ARHGEF17: variants seen among roughly 807,000 people sequenced by gnomAD.
ARHGEF17 encodes the protein 164 kDa Rho-specific guanine-nucleotide exchange factor.
Under a neutral mutation model 174.0 loss-of-function variants are expected in ARHGEF17, and 80 were observed. The ratio of observed to expected loss-of-function variants is 0.46; its 90% CI spans 0.38 to 0.55. ARHGEF17 has a LOEUF of 0.55. ARHGEF17 is among the 20% of genes least tolerant of loss of function. ARHGEF17 has a pLI of 0.00. For missense variants in ARHGEF17, 2,886 were observed against 2,839.7 expected (o/e 1.02, Z -0.37); for synonymous variants, 1,311 against 1,189.1 (o/e 1.10, Z -2.11).
In ARHGEF17 at chr11:73,352,953, C is replaced by T. The variant is rs1285187269; in HGVS notation, c.3394C>T (p.Arg1132Trp). Residue 1132 changes from arginine to tryptophan, a missense_variant, in exon 3 of 21, where the codon CGG becomes TGG. Arg to Trp is a moderately radical substitution (Grantham distance 101, BLOSUM62 -3). This residue lies in a region of ARHGEF17 where 353 missense variants were observed against 470.3 expected (regional missense o/e 0.75). Transcript: ENST00000263674. The part of the protein sequence containing the change: ...EHHEQFLEQV[R>W]HCMQTWHAQQ... ...CCACGAGCAATTCCTGGAGCAGGTT[C>T]GGCACTGCATGCAGACCTGGCATGC... 6.2e-6 allele frequency: 10 copies of T among 1,613,998 alleles called. No individual in the cohort carries two copies. The African/African-American group carries it at 6.7e-5, about 11-fold the overall frequency.
In ARHGEF17 at chr11:73,311,763, C is replaced by A. The variant is rs780645539; in HGVS notation, c.3125C>A (p.Pro1042His). The change falls in exon 1 of 21, where the codon CCC (proline) becomes CAC (histidine). Residue 1042 changes from proline (P) to histidine (H), a missense_variant. By Grantham distance (77) the Pro-to-His change is moderately conservative. Transcript: ENST00000263674. ...GCACCGCCCTCTGCTGAGGCCAAGC[C>A]CCCTGAGGCAGCTCGGCCTGCAGAT... ...LAAPPSAEAK[P>H]PEAARPADEP... The A allele has an allele frequency of 6.2e-7, 1 of 1,612,632 alleles. No homozygotes were observed. Among genetic ancestry groups the A allele is most frequent in the Non-Finnish European group, 8.5e-7 (1 of 1,179,654 alleles).
At chr11:73,339,476 G>C (rs1865336242) in intron 1 of ARHGEF17, among the ~76,000 whole-genome samples, 1 of 152,040 alleles carries the variant, frequency 6.6e-6, no homozygotes, top group African/African-American at 2.4e-5. Flanking sequence ...CTGTCCATTT[G>C]TTTGTTCATC....
intron 16 of ARHGEF17, 26 bp downstream of exon 16, chr11:73,363,859 A>AT (rs1440959214): frequency 2.5e-6 from 4 of 1,608,178 alleles, no homozygotes; most frequent in Non-Finnish European, 3.4e-6. Flanking sequence ...GGCCCTTCCT[A>AT]TCTAGACTCT....
intron 1 of ARHGEF17, among the ~76,000 whole-genome samples, chr11:73,324,389 C>G (rs554609900): frequency 1.3e-5 from 2 of 152,138 alleles, no homozygotes; most frequent in Admixed American, 6.5e-5. Context: ...TGAGCCCTGC[C>G]CTGGGGGAGC....
rs1021094916 is a variant in ARHGEF17, at chr11:73,310,158, C to T, written c.1520C>T (p.Ser507Leu). Reference protein sequence around the residue: ...RGSNPLDGRDSPSAGGPVGQL... With the variant: ...RGSNPLDGRDLPSAGGPVGQL... ...AGCAACCCCCTAGATGGCAGAGACT[C>T]ACCATCCGCAGGTGGCCCTGTGGGG... Residue 507 changes from serine (S) to leucine (L), a missense_variant, in exon 1 of 21, where the codon TCA becomes TTA. Physicochemically the swap from Ser to Leu is moderately radical, Grantham distance 145. This residue lies in a region of ARHGEF17 where 1,728 missense variants were observed against 1,461.2 expected (regional missense o/e 1.18). Coordinates refer to ENST00000263674, the MANE Select transcript of ARHGEF17 (RefSeq NM_014786.4). 1.2e-6 allele frequency: 2 copies of T among 1,614,008 alleles called. No homozygotes were observed. Among genetic ancestry groups the T allele is most frequent in the Admixed American group, 3.3e-5 (2 of 60,032 alleles).
At chr11:73,350,238 C>T (rs1366526215) in intron 2 of ARHGEF17, among the ~76,000 whole-genome samples, 2 of 152,210 alleles carry the variant, frequency 1.3e-5, no homozygotes, top group Non-Finnish European at 2.9e-5. Flanking sequence ...CAGGGTCATC[C>T]ATCTAGTGAG....
At chr11:73,321,379 A>G (rs1346158081) in intron 1 of ARHGEF17, among the ~76,000 whole-genome samples, 2 of 152,196 alleles carry the variant, frequency 1.3e-5, no homozygotes, top group Non-Finnish European at 2.9e-5. Context: ...GCTGCCCCTC[A>G]CTGGAAGCGG....
intron 1 of ARHGEF17, among the ~76,000 whole-genome samples, chr11:73,312,037 C>T (rs1373721675): frequency 3.9e-5 from 6 of 152,326 alleles, no homozygotes; most frequent in South Asian, 4.1e-4. Context: ...CTTCAGTTTT[C>T]TGCTGGTGCT....
Position 73,309,855 on chromosome 11 carries a change from C to T in ARHGEF17, c.1217C>T (p.Ser406Phe). ...ACCCTCAAGGACGACGACCTATGGT[C>T]TAGTAGGGGTTCTGGGGGCTGGGGC... ...TETLKDDDLWSSRGSGGWGVY... is the reference protein window; with the variant it reads ...TETLKDDDLWFSRGSGGWGVY... The change falls in exon 1 of 21, where the codon TCT becomes TTT. Residue 406 changes from serine (S) to phenylalanine (F), a missense_variant. By Grantham distance (155) the Ser-to-Phe change is radical (BLOSUM62 -2). Coordinates refer to ENST00000263674, the MANE Select transcript of ARHGEF17 (RefSeq NM_014786.4). The T allele has an allele frequency of 6.2e-7, 1 of 1,613,196 alleles. No individual in the cohort carries two copies. Among genetic ancestry groups the T allele is most frequent in the Non-Finnish European group, 8.5e-7 (1 of 1,180,008 alleles).
chr11:73,336,767 G>A (rs1314995079), intron 1 of ARHGEF17, among the ~76,000 whole-genome samples: 2 of 152,220 alleles, frequency 1.3e-5, no homozygotes, highest in Admixed American at 6.5e-5. Context: ...ACTTCTCACT[G>A]AGAGTCATGC....
At position 73,365,175 on chromosome 11, in the gene ARHGEF17, A is replaced by T. The variant is rs1865813588; in HGVS notation, c.5551-215A>T. 3.4e-6 allele frequency: 2 copies of T among 592,384 alleles called. No homozygotes were observed. The highest frequency in any genetic ancestry group is 3.0e-6 in the Non-Finnish European group (1 of 335,632). The allele number at this position is 592,384 out of a possible 1,614,324, so 36.7% of individuals were successfully genotyped here. A position where few individuals can be genotyped will look rare whatever the true frequency, so the allele number is the denominator to read the frequency against. On this transcript the variant is annotated intron_variant, in intron 18 of 20. Coordinates refer to ENST00000263674, the MANE Select transcript of ARHGEF17 (RefSeq NM_014786.4). The surrounding 1 kb of genome is among the most constrained non-coding windows in gnomAD (Gnocchi z 4.9). ...AAGCATTGAAGTTCTCTGATCCTTAAATCACTCAAGTTTAATGGGGAAAAA... is the reference window on the plus strand; with the variant it reads ...AAGCATTGAAGTTCTCTGATCCTTATATCACTCAAGTTTAATGGGGAAAAA...
chr11:73,354,222 C>T (rs1426097656), intron 3 of ARHGEF17, among the ~76,000 whole-genome samples: 1 of 152,216 alleles, frequency 6.6e-6, no homozygotes, highest in East Asian at 1.9e-4. Flanking sequence ...CCCATCATCA[C>T]TCTCAGTGTC....
intron 1 of ARHGEF17, among the ~76,000 whole-genome samples, chr11:73,328,298 A>C (rs1349996643): frequency 6.6e-6 from 1 of 152,210 alleles, no homozygotes; most frequent in Non-Finnish European, 1.5e-5. Flanking sequence ...GGGACTCTGC[A>C]GGCTGGGGGC....
chr11:73,331,958 A>G (rs1865211025), intron 1 of ARHGEF17, among the ~76,000 whole-genome samples: 1 of 152,172 alleles, frequency 6.6e-6, no homozygotes, highest in Non-Finnish European at 1.5e-5. Context: ...TCAAGCAGAC[A>G]TGCCCATAGT....
chr11:73,309,383 A>G lies in ARHGEF17; in HGVS notation c.745A>G (p.Ser249Gly). Reference sequence around the variant, plus strand: ...TCCTGTCAGCCGCAGTCGTGCTGCCAGCTCCAGCGAGGAGGAAGAGGAGGG... The same window carrying G: ...TCCTGTCAGCCGCAGTCGTGCTGCCGGCTCCAGCGAGGAGGAAGAGGAGGG... The part of the protein sequence containing the change: ...SYPVSRSRAA[S>G]SSEEEEEGPP... Residue 249 changes from serine (S) to glycine (G), a missense_variant, in exon 1 of 21, where the codon AGC becomes GGC. Ser to Gly is a moderately conservative substitution (Grantham distance 56). Transcript: ENST00000263674. 2.5e-6 allele frequency: 4 copies of G among 1,576,816 alleles called. No individual in the cohort carries two copies. Among genetic ancestry groups the G allele is most frequent in the Non-Finnish European group, 1.7e-6 (2 of 1,160,420 alleles).
rs903203449 is a variant in ARHGEF17 at position 73,311,270 on chromosome 11, G to A, written c.2632G>A (p.Ala878Thr). The change falls in exon 1 of 21, where the codon GCC (alanine) becomes ACC (threonine). Residue 878 changes from alanine (A) to threonine (T), a missense_variant. By Grantham distance (58) the Ala-to-Thr change is moderately conservative. This residue lies in a region of ARHGEF17 where 1,728 missense variants were observed against 1,461.2 expected (regional missense o/e 1.18). Coordinates refer to ENST00000263674, the MANE Select transcript of ARHGEF17 (RefSeq NM_014786.4). The part of the protein sequence containing the change: ...EQRAEPEEPG[A>T]TRSRAQSERA... ...GCGGGCAGAGCCAGAAGAACCTGGTGCCACCAGGAGCCGGGCACAGTCTGA... is the reference window on the plus strand; with the variant it reads ...GCGGGCAGAGCCAGAAGAACCTGGTACCACCAGGAGCCGGGCACAGTCTGA... 6 of 1,612,842 alleles carry A rather than the reference G, an allele frequency of 3.7e-6. No homozygotes were observed. The highest frequency in any genetic ancestry group is 5.1e-6 in the Non-Finnish European group (6 of 1,179,756).
Position 73,356,784 on chromosome 11 carries a change from C to T in ARHGEF17, c.3891+25C>T, listed in dbSNP as rs183886487. The T allele has an allele frequency of 2.3e-4, 379 of 1,614,036 alleles. 3 individuals are homozygous for T. In the East Asian group the frequency reaches 6.3e-3, roughly 27 times the overall value. ...GGTAAGAAGTGTCCCAGTATCTGTC[C>T]GGCTGTCCCCACCTCCTCACTTTGT... On this transcript the variant is annotated intron_variant, in intron 7 of 20. Transcript: ENST00000263674.
rs573793599 is a variant in ARHGEF17 at position 73,365,210 on chromosome 11, T to C, written c.5551-180T>C. 9.4e-6 allele frequency: 6 copies of C among 640,006 alleles called. No individual in the cohort carries two copies. Among genetic ancestry groups the C allele is most frequent in the African/African-American group, 9.1e-5 (5 of 54,684 alleles). The allele number at this position is 640,006 out of a possible 1,614,324, so 39.6% of individuals were successfully genotyped here. A position where few individuals can be genotyped will look rare whatever the true frequency, so the allele number is the denominator to read the frequency against. On this transcript the variant is annotated intron_variant, in intron 18 of 20. Transcript: ENST00000263674. The surrounding 1 kb of genome is among the most constrained non-coding windows in gnomAD (Gnocchi z 4.9). ...GTTTAATGGGGAAAAAGCACCTCCA[T>C]TGTAATTCCTGAGAACTAAGTTGGG...
chr11:73,361,452 G>A (rs888779990), intron 12 of ARHGEF17, among the ~76,000 whole-genome samples: 1 of 152,178 alleles, frequency 6.6e-6, no homozygotes, highest in Non-Finnish European at 1.5e-5. Context: ...TATGTACAGA[G>A]GTTACCAGCA....
Sources: gnomAD v4.1 joint callset for allele counts (sites outside exome capture counted in the v4.1 genomes callset) on GRCh38, gnomAD v4.1.1 for gene constraint, gnomAD v4.1.1 regional missense constraint, Gnocchi (gnomAD v3.1) non-coding constraint, MANE v1.5 for transcripts, NCBI Gene and HGNC (gene_info 2026-07-23, HGNC 2026-07-21) for gene names.